JDP2: variants seen among roughly 807,000 people sequenced by gnomAD.
JDP2 encodes Jun dimerization protein 2, also known as progesterone receptor co-activator.
JDP2 carries 9 observed loss-of-function variants against 17.1 expected under a neutral mutation model. That is an observed-to-expected ratio of 0.53 (90% CI 0.32 to 0.92). The LOEUF is 0.92. Among genes scored for constraint, JDP2 ranks in the 40% least tolerant of loss-of-function variants. The probability of loss-of-function intolerance (pLI) is 0.04; values close to 1 mark genes in which losing one functional copy is unlikely to be tolerated. For synonymous variants in JDP2, 107 were observed against 95.6 expected (o/e 1.12, Z -0.69); for missense variants, 179 against 220.0 (o/e 0.81, Z 1.18).
intron 2 of JDP2, chr14:75,445,425 A>G: frequency 1.0e-6 from 1 of 985,360 alleles, no homozygotes. Flanking sequence ...GTGCATGTGT[A>G]TGCTCTGACA....
chr14:75,431,644 C>G (rs997281741), intron 1 of JDP2, among the ~76,000 whole-genome samples: 4 of 152,250 alleles, frequency 2.6e-5, no homozygotes, highest in African/African-American at 9.6e-5. Context: ...ACCTTCTACC[C>G]AGCCCTGACC....
At chr14:75,440,376 A>G (rs1351174346) in intron 2 of JDP2, among the ~76,000 whole-genome samples, 1 of 152,216 alleles carries the variant, frequency 6.6e-6, no homozygotes, top group Non-Finnish European at 1.5e-5. Flanking sequence ...TGGAGTAACT[A>G]AAACCTAAAG....
intron 3 of JDP2, among the ~76,000 whole-genome samples, chr14:75,469,060 G>C (rs1407491785): frequency 2.6e-5 from 4 of 152,254 alleles, no homozygotes; most frequent in African/African-American, 9.6e-5. Context: ...ACGTGAGTCT[G>C]GCTGGCCCTA....
intron 1 of JDP2, among the ~76,000 whole-genome samples, chr14:75,431,483 A>G (rs1252829999): frequency 6.6e-6 from 1 of 152,128 alleles, no homozygotes; most frequent in Non-Finnish European, 1.5e-5. Context: ...GGCACAGGAG[A>G]TGCTGGCTGT....
chr14:75,445,107 A>G (rs1381562472), intron 2 of JDP2: 1 of 985,186 alleles, frequency 1.0e-6, no homozygotes, highest in Non-Finnish European at 1.2e-6. Flanking sequence ...GGCAACATGG[A>G]CTCAGAGTTG....
At chr14:75,455,591 C>A (rs1456750810) in intron 2 of JDP2, among the ~76,000 whole-genome samples, 2 of 152,118 alleles carry the variant, frequency 1.3e-5, no homozygotes. Flanking sequence ...TTGGGATATT[C>A]ATTCCCCTGA....
At chr14:75,449,204 T>G (rs547582838) in intron 2 of JDP2, among the ~76,000 whole-genome samples, 2 of 152,348 alleles carry the variant, frequency 1.3e-5, no homozygotes, top group South Asian at 4.1e-4. Flanking sequence ...TAGAGAATAA[T>G]TAAGCCAAGG....
At position 75,442,983 on chromosome 14, in the gene JDP2, C is replaced by T. The variant is rs554319730; in HGVS notation, c.201+4862C>T. 6.9e-4 allele frequency among the ~76,000 whole-genome samples: 105 copies of T among 152,296 alleles called. 1 individual carries two copies. The highest frequency in any genetic ancestry group is 2.4e-3 in the African/African-American group (100 of 41,566). On this transcript the variant is annotated intron_variant, in intron 2 of 3. Transcript: ENST00000651602. ...AGGGCAGTTTCCTGTGTGTATTCCA[C>T]ATGGGGACCGGATCCGTGTCCTCAT...
At chr14:75,469,254 G>A (rs1269243156) in intron 3 of JDP2, 36 bp from the exon 4 acceptor site, 10 of 1,595,132 alleles carry the variant, frequency 6.3e-6, no homozygotes, top group East Asian at 2.2e-5. Context: ...GCCAGTCCCC[G>A]TGAAACTCAC....
intron 1 of JDP2, among the ~76,000 whole-genome samples, chr14:75,433,195 CAAAAA>C (rs780191475): frequency 3.6e-4 from 7 of 19,374 alleles, no homozygotes; most frequent in African/African-American, 4.9e-4. Context: ...AACTCCGTCT[CAAAAA>C]AAAAAAAAAA....
At chr14:75,457,243 G>T (rs983209333) in intron 2 of JDP2, among the ~76,000 whole-genome samples, 1 of 152,212 alleles carries the variant, frequency 6.6e-6, no homozygotes, top group East Asian at 1.9e-4. Flanking sequence ...ACTCTCTGCC[G>T]TCTTTCTCCC....
intron 3 of JDP2, among the ~76,000 whole-genome samples, chr14:75,466,838 T>C (rs553692693): frequency 1.1e-4 from 17 of 152,210 alleles, no homozygotes; most frequent in Non-Finnish European, 2.4e-4. Flanking sequence ...CATAGTCAGC[T>C]CTCTGCCCTA....
At chr14:75,435,187 C>T (rs1885004935) in intron 1 of JDP2, among the ~76,000 whole-genome samples, 2 of 152,214 alleles carry the variant, frequency 1.3e-5, no homozygotes, top group African/African-American at 4.8e-5. Context: ...GGAGCGGCCT[C>T]CTAGCGTGGC....
At chr14:75,441,118 C>CGAGAGAGA (rs558707428) in intron 2 of JDP2, among the ~76,000 whole-genome samples, 1 of 150,238 alleles carries the variant, frequency 6.7e-6, no homozygotes, top group South Asian at 2.1e-4. Context: ...CTCCTAGTTC[C>CGAGAGAGA]GAGAGAGAGA....
At chr14:75,438,338 T>C (rs189005477) in intron 2 of JDP2, among the ~76,000 whole-genome samples, 11 of 152,130 alleles carry the variant, frequency 7.2e-5, no homozygotes, top group Non-Finnish European at 1.6e-4. Flanking sequence ...GTATTAACAC[T>C]TGAGAAGCAC....
Position 75,438,439 on chromosome 14 carries a change from G to A in JDP2, c.201+318G>A, listed in dbSNP as rs193147327. On this transcript the variant is annotated intron_variant, in intron 2 of 3. Transcript: ENST00000651602. ...TGACAGTAATGAATAGTAATATCTTGGCCATCTCTCTGGGGTGGTGGGAGG... is the reference window on the plus strand; with the variant it reads ...TGACAGTAATGAATAGTAATATCTTAGCCATCTCTCTGGGGTGGTGGGAGG... Among the ~76,000 whole-genome samples, 6 of 152,262 alleles carry A rather than the reference G, an allele frequency of 3.9e-5. No homozygotes were observed. In the East Asian group the frequency reaches 1.2e-3, roughly 29 times the overall value.
At chr14:75,438,581 C>T (rs539068647) in intron 2 of JDP2, among the ~76,000 whole-genome samples, 7 of 152,332 alleles carry the variant, frequency 4.6e-5, no homozygotes, top group Non-Finnish European at 1.0e-4. Flanking sequence ...ACCTCCACCC[C>T]TCTTGGCCCT....
chr14:75,469,809 G>T lies in JDP2; in HGVS notation c.*334G>T. The T allele has an allele frequency of 4.3e-6, 1 of 232,758 alleles. No homozygotes were observed. The allele number at this position is 232,758 out of a possible 1,614,324, so 14.4% of individuals were successfully genotyped here. A position where few individuals can be genotyped will look rare whatever the true frequency, so the allele number is the denominator to read the frequency against. On this transcript the variant is annotated 3_prime_UTR_variant, in exon 4 of 4. Transcript: ENST00000651602. ...CGAGGCAGCCCTGGGCTCTTCTCTGGCCTCTTCACCAGGGCACCCATCCAA... is the reference window on the plus strand; with the variant it reads ...CGAGGCAGCCCTGGGCTCTTCTCTGTCCTCTTCACCAGGGCACCCATCCAA...
At chr14:75,468,195 G>A (rs776174733) in intron 3 of JDP2, among the ~76,000 whole-genome samples, 14 of 152,164 alleles carry the variant, frequency 9.2e-5, no homozygotes, top group Admixed American at 4.6e-4. Flanking sequence ...TTACGCTATC[G>A]CCATTTTGGA....
Sources: gnomAD v4.1 joint callset for allele counts (sites outside exome capture counted in the v4.1 genomes callset) on GRCh38, gnomAD v4.1.1 for gene constraint, MANE v1.5 for transcripts, NCBI Gene and HGNC (gene_info 2026-07-23, HGNC 2026-07-21) for gene names.